The following ARL2BP variants were observed in gnomAD, a reference collection of about 807,000 sequenced individuals.
ARL2BP encodes ADP-ribosylation factor-like protein 2-binding protein.
A neutral mutation model predicts 24.2 loss-of-function variants in ARL2BP; 19 were observed. The observed-to-expected ratio is 0.79, with a 90% CI of 0.55 to 1.15. ARL2BP has a LOEUF of 1.15. Ranked by LOEUF, ARL2BP falls within the 50% of genes most tolerant of loss-of-function variation. The pLI, the probability that ARL2BP is intolerant of heterozygous loss-of-function variation, is 0.00. For synonymous variants in ARL2BP, 56 were observed against 70.5 expected (o/e 0.79, Z 1.03); for missense variants, 160 against 190.4 (o/e 0.84, Z 0.94).
intron 3 of ARL2BP, chr16:57,249,407 G>T: frequency 5.1e-6 from 1 of 196,980 alleles, no homozygotes; most frequent in Non-Finnish European, 1.0e-5. Context: ...ACCTGTGACT[G>T]CCTCCATGTC....
chr16:57,245,478 A>G (rs1237191973), intron 1 of ARL2BP, 73 bp downstream of exon 1: 3 of 1,564,618 alleles, frequency 1.9e-6, no homozygotes, highest in Admixed American at 3.8e-5. Context: ...GCCTGACCCT[A>G]TAAAACAGGT....
At position 57,252,365 on chromosome 16, in the gene ARL2BP, G is replaced by A; in HGVS notation, c.*98G>A. On this transcript the variant is annotated 3_prime_UTR_variant, in exon 6 of 6. Coordinates refer to ENST00000219204, the MANE Select transcript of ARL2BP (RefSeq NM_012106.4). ...AACACATCTTGGAAAGACTGACTCT[G>A]TTATGTAACTCTTCATTTATGTTAA... 1 of 1,599,218 alleles carries A rather than the reference G, an allele frequency of 6.3e-7. No homozygotes were observed. The highest frequency in any genetic ancestry group is 8.5e-7 in the Non-Finnish European group (1 of 1,173,846).
intron 1 of ARL2BP, 117 bp downstream of exon 1, chr16:57,245,522 G>C: frequency 1.4e-6 from 2 of 1,391,440 alleles, no homozygotes; most frequent in Non-Finnish European, 2.0e-6. Context: ...GGGCCGGGCA[G>C]GGTGGGGGCC....
chr16:57,249,698 CA>C (rs1433910820), intron 3 of ARL2BP, 68 bp from the exon 4 acceptor site: 1 of 1,253,936 alleles, frequency 8.0e-7, no homozygotes, highest in Non-Finnish European at 1.2e-6. Context: ...AAGGGCTGGG[CA>C]GGCTTTCTGA....
rs1281318142 is a variant in ARL2BP at position 57,252,020 on chromosome 16, A to G, written c.391-146A>G. 7.7e-6 allele frequency: 5 copies of G among 645,716 alleles called. No homozygotes were observed. The East Asian group carries it at 1.1e-4, about 14-fold the overall frequency. 40.0% of individuals were successfully genotyped at this position (645,716 alleles called of 1,614,324 possible). A position where few individuals can be genotyped will look rare whatever the true frequency, so the allele number is the denominator to read the frequency against. On this transcript the variant is annotated intron_variant, in intron 5 of 5. Transcript: ENST00000219204. ...TAGGGCAGGCCAGTATTGAGCAGAA[A>G]TGCAGAATAACCAATAACCTGTGTT...
intron 1 of ARL2BP, chr16:57,245,764 C>G (rs1371842557): frequency 5.9e-6 from 3 of 504,692 alleles, no homozygotes; most frequent in South Asian, 2.6e-5. Flanking sequence ...AATGACCCCC[C>G]CCGGCAGGTG....
chr16:57,249,409 C>T, intron 3 of ARL2BP: 1 of 202,362 alleles, frequency 4.9e-6, no homozygotes, highest in Non-Finnish European at 1.0e-5. Context: ...CTGTGACTGC[C>T]TCCATGTCCG....
Position 57,252,463 on chromosome 16 carries a change from A to G in ARL2BP, c.*196A>G. ...TATCCTGAAACACCTTCTTGTATTC[A>G]TTAACCATAGTACTCCTCCCCACCT... is the stretch of plus-strand genomic sequence containing the variant. On this transcript the variant is annotated 3_prime_UTR_variant, in exon 6 of 6. Transcript: ENST00000219204. The G allele has an allele frequency of 1.0e-6, 1 of 989,610 alleles. No homozygotes were observed. The highest frequency in any genetic ancestry group is 1.5e-6 in the Non-Finnish European group (1 of 683,386). 61.3% of individuals were successfully genotyped at this position (989,610 alleles called of 1,614,324 possible).
chr16:57,247,613 C>G (rs1163444806), intron 2 of ARL2BP, among the ~76,000 whole-genome samples: 2 of 152,276 alleles, frequency 1.3e-5, no homozygotes, highest in Non-Finnish European at 2.9e-5. Context: ...AATTCCACTT[C>G]CAATCCTATA....
chr16:57,246,578 G>C (rs573691949), intron 2 of ARL2BP, among the ~76,000 whole-genome samples: 17 of 152,084 alleles, frequency 1.1e-4, no homozygotes, highest in Non-Finnish European at 1.9e-4. Context: ...CGAGGTGGGC[G>C]GATCACGAGG....
chr16:57,249,149 T>A (rs2075399859), intron 3 of ARL2BP: 1 of 153,030 alleles, frequency 6.5e-6, no homozygotes, highest in Non-Finnish European at 1.5e-5. Context: ...CTTTCTTCTA[T>A]ATAATCCAGT....
At chr16:57,246,885 C>T (rs1460452803) in intron 2 of ARL2BP, among the ~76,000 whole-genome samples, 1 of 152,208 alleles carries the variant, frequency 6.6e-6, no homozygotes, top group Non-Finnish European at 1.5e-5. Flanking sequence ...TATTAAGCTT[C>T]AGCTGGTTCT....
In ARL2BP at chr16:57,250,438, C is replaced by T. The variant is rs1597953729; in HGVS notation, c.321C>T (p.Asp107=). 1.9e-6 allele frequency: 3 copies of T among 1,614,202 alleles called. No homozygotes were observed. Among genetic ancestry groups the T allele is most frequent in the Middle Eastern group, 1.7e-4 (1 of 6,056 alleles). ...ACCATAAGGATGAAGTGGCTGGTGA[C>T]ATATTCGACATGCTGCTCACCTTCA... ...LQHHKDEVAG[D]IFDMLLTFTD... is the part of the protein sequence containing the mutation. Residue 107 remains aspartate (D), a synonymous_variant, in exon 5 of 6, where the codon GAC becomes GAT. Coordinates refer to ENST00000219204, the MANE Select transcript of ARL2BP (RefSeq NM_012106.4).
chr16:57,248,391 T>G, intron 2 of ARL2BP, 146 bp from the exon 3 acceptor site: 1 of 421,088 alleles, frequency 2.4e-6, no homozygotes, highest in East Asian at 3.7e-5. Context: ...CAGGGTCCCA[T>G]TTAATACCCC....
In ARL2BP at chr16:57,250,777, A is replaced by AT. The variant is rs1427661661; in HGVS notation, c.390+273dup. On this transcript the variant is annotated intron_variant, in intron 5 of 5. Transcript: ENST00000219204. ...TCTCATTCTGCCTTGCCTTTCTTTT[A>AT]TTTATTTTTTTTTTTGAGACAGAGT... 1,621 of 410,804 alleles carry AT rather than the reference A, an allele frequency of 3.9e-3. 1 individual carries two copies. The highest frequency in any genetic ancestry group is 0.014 in the South Asian group (346 of 25,484). The allele number at this position is 410,804 out of a possible 1,614,324, so 25.4% of individuals were successfully genotyped here.
rs534302442 is a variant in ARL2BP at position 57,252,661 on chromosome 16, T to G, written c.*394T>G. On this transcript the variant is annotated 3_prime_UTR_variant, in exon 6 of 6. Coordinates refer to ENST00000219204, the MANE Select transcript of ARL2BP (RefSeq NM_012106.4). ...AGGCTCTGCATGAATCTTTGTGCAC[T>G]TGCACCTCTTTTTCACATGGGCCAC... 5.1e-4 allele frequency: 117 copies of G among 227,222 alleles called. No individual in the cohort carries two copies. The highest frequency in any genetic ancestry group is 1.4e-4 in the Non-Finnish European group (16 of 112,940). 14.1% of individuals were successfully genotyped at this position (227,222 alleles called of 1,614,324 possible).
chr16:57,245,571 G>C (rs1196670957), intron 1 of ARL2BP, among the ~76,000 whole-genome samples, 166 bp downstream of exon 1: 2 of 152,148 alleles, frequency 1.3e-5, no homozygotes, highest in African/African-American at 4.8e-5. Context: ...TCCTTTTGTA[G>C]AGTACTAAGG....
intron 2 of ARL2BP, 183 bp downstream of exon 2, chr16:57,246,324 C>T: frequency 1.6e-6 from 1 of 610,068 alleles, no homozygotes; most frequent in Non-Finnish European, 2.9e-6. Context: ...GCCCAGTACT[C>T]CTGAAAACAT....
chr16:57,248,527 T>C lies in ARL2BP; in HGVS notation c.101-10T>C. ...ATTAAAAAGAATAAATTTTCCCCAC[T>C]GTGGTTCAGATGACGAGTTCCAGTT... On this transcript the variant is annotated splice_polypyrimidine_tract_variant and intron_variant, in intron 2 of 5. Transcript: ENST00000219204. The C allele has an allele frequency of 6.4e-7, 1 of 1,551,796 alleles. No individual in the cohort carries two copies. The highest frequency in any genetic ancestry group is 8.8e-7 in the Non-Finnish European group (1 of 1,137,038).
Sources: allele counts gnomAD v4.1 joint callset (sites outside exome capture counted in the v4.1 genomes callset), GRCh38; gene constraint gnomAD v4.1.1; transcripts MANE v1.5; gene names NCBI Gene and HGNC (gene_info 2026-07-23, HGNC 2026-07-21).